The following COX10 variants were observed in gnomAD, a reference collection of about 807,000 sequenced individuals.
COX10 encodes protoheme IX farnesyltransferase, mitochondrial.
COX10 carries 27 observed loss-of-function variants against 37.3 expected under a neutral mutation model. The observed-to-expected ratio is 0.72, with a 90% CI of 0.53 to 1.00. The LOEUF (loss-of-function observed/expected upper bound fraction) is 1.00, where lower values mean the gene tolerates loss of function less well. Ranked by LOEUF, COX10 falls within the 50% of genes least tolerant of loss-of-function variation. The probability of loss-of-function intolerance (pLI) is 0.00; values close to 1 mark genes in which losing one functional copy is unlikely to be tolerated. For missense variants in COX10, 475 were observed against 563.2 expected, an observed-to-expected ratio of 0.84 and a Z score of 1.59; for synonymous variants, 222 against 229.1, an observed-to-expected ratio of 0.97 and a Z score of 0.28.
intron 5 of COX10, among the ~76,000 whole-genome samples, chr17:14,171,095 T>C (rs991490671): frequency 2.0e-5 from 3 of 152,032 alleles, no homozygotes; most frequent in Non-Finnish European, 4.4e-5. Context: ...GAGTGAAAAC[T>C]GTGTTTCCAT....
chr17:14,073,531 G>T (rs1915076982), intron 1 of COX10, among the ~76,000 whole-genome samples: 1 of 152,166 alleles, frequency 6.6e-6, no homozygotes, highest in Non-Finnish European at 1.5e-5. Flanking sequence ...ATGGTTTGAA[G>T]ATCAGAAATT....
intron 6 of COX10, among the ~76,000 whole-genome samples, chr17:14,194,576 G>A (rs1416902809): frequency 3.3e-5 from 5 of 152,058 alleles, no homozygotes; most frequent in Admixed American, 1.3e-4. Context: ...ACAGGCGCCC[G>A]CCACCACGCC....
At chr17:14,094,826 C>A (rs1038631238) in intron 3 of COX10, among the ~76,000 whole-genome samples, 1 of 152,192 alleles carries the variant, frequency 6.6e-6, no homozygotes, top group Admixed American at 6.5e-5. Context: ...TTATTATTTA[C>A]CAGACACTGT....
chr17:14,183,386 A>G (rs1444942734), intron 5 of COX10, among the ~76,000 whole-genome samples: 1 of 152,114 alleles, frequency 6.6e-6, no homozygotes. Flanking sequence ...TGTGTTGTTG[A>G]AAATTAGAAC....
chr17:14,181,314 A>AT (rs1408974067), intron 5 of COX10, among the ~76,000 whole-genome samples: 1 of 151,912 alleles, frequency 6.6e-6, no homozygotes, highest in Non-Finnish European at 1.5e-5. Flanking sequence ...CTGAAGAAGC[A>AT]TTTTTTGTTT....
In COX10 at chr17:14,201,710, C is replaced by G. The variant is rs184980771; in HGVS notation, c.929-5100C>G. Among the ~76,000 whole-genome samples the G allele has an allele frequency of 5.8e-4, 89 of 152,256 alleles. 1 individual carries two copies. Among genetic ancestry groups the G allele is most frequent in the African/African-American group, 2.1e-3 (89 of 41,560 alleles). On this transcript the variant is annotated intron_variant, in intron 6 of 6. Transcript: ENST00000261643. Reference sequence around the variant, plus strand: ...CTCTGAATGATCCAATTCCTTCCCCCATTTCTAAGTTATCACTGATGTTGT... The same window carrying G: ...CTCTGAATGATCCAATTCCTTCCCCGATTTCTAAGTTATCACTGATGTTGT...
intron 4 of COX10, among the ~76,000 whole-genome samples, chr17:14,132,369 T>C (rs971399950): frequency 1.3e-5 from 2 of 152,060 alleles, no homozygotes; most frequent in Non-Finnish European, 2.9e-5. Context: ...AGAAAAGTTT[T>C]ATCTGAAGTA....
chr17:14,101,486 C>A (rs527684484), intron 3 of COX10, among the ~76,000 whole-genome samples: 2 of 152,164 alleles, frequency 1.3e-5, no homozygotes, highest in African/African-American at 4.8e-5. Context: ...AGGAAAGAAG[C>A]GCCAGGGCCT....
chr17:14,078,687 C>T (rs556578776), intron 3 of COX10, among the ~76,000 whole-genome samples: 4 of 152,234 alleles, frequency 2.6e-5, no homozygotes, highest in Admixed American at 6.5e-5. Flanking sequence ...CTTACCCTGC[C>T]GTTCATGCTG....
At chr17:14,128,009 G>C (rs1243523383) in intron 4 of COX10, among the ~76,000 whole-genome samples, 4 of 151,246 alleles carry the variant, frequency 2.6e-5, no homozygotes, top group African/African-American at 9.7e-5. Flanking sequence ...TGCCTAGCCA[G>C]TACCTCAAAT....
chr17:14,138,207 A>G (rs1230894270), intron 4 of COX10, among the ~76,000 whole-genome samples: 2 of 152,146 alleles, frequency 1.3e-5, no homozygotes, highest in African/African-American at 4.8e-5. Context: ...TGTATATGAC[A>G]TGTCAGAATC....
At chr17:14,121,033 T>C (rs1916216839) in intron 4 of COX10, among the ~76,000 whole-genome samples, 1 of 152,208 alleles carries the variant, frequency 6.6e-6, no homozygotes, top group African/African-American at 2.4e-5. Context: ...TGTGTCATGC[T>C]CATTCTGCCT....
chr17:14,138,083 C>T (rs1394907741), intron 4 of COX10, among the ~76,000 whole-genome samples: 3 of 151,510 alleles, frequency 2.0e-5, no homozygotes, highest in African/African-American at 7.3e-5. Flanking sequence ...AAGGGACACA[C>T]ATGAATAAAA....
At chr17:14,107,566 C>G (rs1915922210) in intron 4 of COX10, among the ~76,000 whole-genome samples, 1 of 150,922 alleles carries the variant, frequency 6.6e-6, no homozygotes, top group Non-Finnish European at 1.5e-5. Context: ...TCCCATGAGA[C>G]AAGTAGAGAT....
At chr17:14,089,781 C>G (rs546206712) in intron 3 of COX10, among the ~76,000 whole-genome samples, 3 of 152,260 alleles carry the variant, frequency 2.0e-5, no homozygotes, top group South Asian at 4.2e-4. Context: ...GCCATCACCT[C>G]CATAAATTCC....
intron 4 of COX10, among the ~76,000 whole-genome samples, chr17:14,109,798 G>A (rs1915973553): frequency 6.6e-6 from 1 of 151,962 alleles, no homozygotes; most frequent in Admixed American, 6.6e-5. Flanking sequence ...TAGTGGATGT[G>A]GTGATGTATC....
intron 1 of COX10, among the ~76,000 whole-genome samples, chr17:14,073,203 G>A (rs1915067161): frequency 6.6e-6 from 1 of 152,178 alleles, no homozygotes; most frequent in African/African-American, 2.4e-5. Context: ...AGGAGGACTG[G>A]CTTGAATGCT....
intron 3 of COX10, among the ~76,000 whole-genome samples, chr17:14,088,767 G>GTGCTTAAGGA (rs1360663765): frequency 1.3e-5 from 2 of 152,182 alleles, no homozygotes; most frequent in African/African-American, 4.8e-5. Context: ...TCTGTAGATG[G>GTGCTTAAGGA]TGCTTAAGGA....
At chr17:14,133,712 C>G (rs1169955244) in intron 4 of COX10, among the ~76,000 whole-genome samples, 2 of 151,664 alleles carry the variant, frequency 1.3e-5, no homozygotes, top group South Asian at 4.1e-4. Context: ...TCACTTTCAT[C>G]CAGATTTCAG....
Sources: gnomAD v4.1 joint callset for allele counts (sites outside exome capture counted in the v4.1 genomes callset) on GRCh38, gnomAD v4.1.1 for gene constraint, MANE v1.5 for transcripts, NCBI Gene and HGNC (gene_info 2026-07-23, HGNC 2026-07-21) for gene names.